The following PSMD8 variants were observed in gnomAD, a reference collection of about 807,000 sequenced individuals.
PSMD8 encodes the protein 26S proteasome non-ATPase regulatory subunit 8.
In PSMD8, 30 loss-of-function variants were observed where a neutral mutation model predicts 40.0. The observed-to-expected ratio is 0.75, with a 90% confidence interval of 0.56 to 1.02. The LOEUF (loss-of-function observed/expected upper bound fraction) is 1.02. PSMD8 is among the 50% of genes least tolerant of loss of function. The pLI is 0.00. For missense variants in PSMD8, 461 were observed against 463.9 expected (o/e 0.99, Z 0.06); for synonymous variants, 208 against 192.5 (o/e 1.08, Z -0.67).
At chr19:38,380,724 G>A (rs2145129046) in intron 4 of PSMD8, among the ~76,000 whole-genome samples, 175 bp from the exon 5 acceptor site, 1 of 132,006 alleles carries the variant, frequency 7.6e-6, no homozygotes, top group African/African-American at 2.7e-5. Context: ...GTGTGTGTGT[G>A]TGTGTGCGCA....
chr19:38,379,481 A>G, intron 4 of PSMD8, 76 bp downstream of exon 4: 7 of 1,487,158 alleles, frequency 4.7e-6, no homozygotes, highest in Non-Finnish European at 5.5e-6. Flanking sequence ...GCTTTCCTGA[A>G]GGAGTGGCCA....
At chr19:38,378,984 C>T (rs1400707371) in intron 3 of PSMD8, among the ~76,000 whole-genome samples, 8 of 152,114 alleles carry the variant, frequency 5.3e-5, no homozygotes, top group African/African-American at 1.9e-4. Flanking sequence ...TATGGTGATA[C>T]CCAGTTTACA....
chr19:38,376,000 T>C (rs1970594482), intron 1 of PSMD8, among the ~76,000 whole-genome samples, 160 bp from the exon 2 acceptor site: 1 of 152,244 alleles, frequency 6.6e-6, no homozygotes, highest in Non-Finnish European at 1.5e-5. Context: ...TGTTGCGTGC[T>C]CAGGCCCTGT....
chr19:38,381,821 T>C (rs1333912432), intron 5 of PSMD8, among the ~76,000 whole-genome samples: 2 of 152,132 alleles, frequency 1.3e-5, no homozygotes, highest in African/African-American at 4.8e-5. Flanking sequence ...AGAGATGCCC[T>C]CATGTGAGTC....
Position 38,374,714 on chromosome 19 carries a change from G to C in PSMD8, c.113G>C (p.Arg38Pro), listed in dbSNP as rs1446468777. 6.5e-7 allele frequency: 1 copy of C among 1,545,888 alleles called. No individual in the cohort carries two copies. Among genetic ancestry groups the C allele is most frequent in the Non-Finnish European group, 8.7e-7 (1 of 1,148,622 alleles). The change falls in exon 1 of 7, where the codon CGG becomes CCG. Residue 38 changes from arginine to proline, a missense_variant. Physicochemically the swap from Arg to Pro is moderately radical, Grantham distance 103 (BLOSUM62 -2). Transcript: ENST00000215071. ...CCCCGGGCCTTGGGCTCCACCTCTC[G>C]GCCCCACTTCCGCCGGGCAAGCGTT... ...APPRALGSTSRPHFRRASVCR... is the reference protein window; with the variant it reads ...APPRALGSTSPPHFRRASVCR...
chr19:38,380,719 T>C (rs1344264845), intron 4 of PSMD8, among the ~76,000 whole-genome samples, 180 bp from the exon 5 acceptor site: 1 of 126,564 alleles, frequency 7.9e-6, no homozygotes, highest in Non-Finnish European at 1.7e-5. Context: ...TGTGTGTGTG[T>C]GTGTGTGTGT....
chr19:38,382,940 G>T, intron 6 of PSMD8: 2 of 295,648 alleles, frequency 6.8e-6, no homozygotes, highest in Non-Finnish European at 6.4e-6. Context: ...AGAAGAAGGT[G>T]AAATTGAATT....
chr19:38,377,430 G>A (rs1438981071), intron 3 of PSMD8, among the ~76,000 whole-genome samples: 1 of 151,984 alleles, frequency 6.6e-6, no homozygotes, highest in African/African-American at 2.4e-5. Flanking sequence ...GGCCACAAGT[G>A]ATCCTCCTGC....
At chr19:38,376,040 A>G (rs1035601691) in intron 1 of PSMD8, 120 bp from the exon 2 acceptor site, 1 of 984,076 alleles carries the variant, frequency 1.0e-6, no homozygotes, top group Non-Finnish European at 1.5e-6. Context: ...AGCATTCCTC[A>G]TGAGTCTGGA....
Position 38,383,343 on chromosome 19 carries a change from G to T in PSMD8, c.1006G>T (p.Ala336Ser). The change falls in exon 7 of 7, where the codon GCC (alanine) becomes TCC (serine). Residue 336 changes from alanine (A) to serine (S), a missense_variant. Physicochemically the swap from Ala to Ser is moderately conservative, Grantham distance 99. Transcript: ENST00000215071. ...CACCACCATTCCCTCCACAGAACTG[G>T]CCAAACAGGTCATCGAGTATGCCCG... is the stretch of plus-strand genomic sequence containing the variant. ...EDTTIPSTEL[A>S]KQVIEYARQL... 6.2e-7 allele frequency: 1 copy of T among 1,613,818 alleles called. No individual in the cohort carries two copies. The highest frequency in any genetic ancestry group is 1.3e-5 in the African/African-American group (1 of 74,958).
chr19:38,380,062 TG>T (rs1568388181), intron 4 of PSMD8, among the ~76,000 whole-genome samples: 1 of 151,852 alleles, frequency 6.6e-6, no homozygotes, highest in African/African-American at 2.4e-5. Flanking sequence ...CCGAGGCGGG[TG>T]GATCACCTGA....
At chr19:38,375,298 A>G in intron 1 of PSMD8, 1 of 289,872 alleles carries the variant, frequency 3.4e-6, no homozygotes, top group Non-Finnish European at 6.6e-6. Context: ...TTTAAGTGAG[A>G]GATGACTGGA....
chr19:38,381,779 G>A (rs1317039609), intron 5 of PSMD8, among the ~76,000 whole-genome samples: 1 of 152,104 alleles, frequency 6.6e-6, no homozygotes, highest in African/African-American at 2.4e-5. Context: ...TATGAAGTGG[G>A]GTGCAGCACC....
Position 38,376,148 on chromosome 19 carries a change from C to T in PSMD8, c.361-12C>T, listed in dbSNP as rs1970595680. 2.5e-6 allele frequency: 4 copies of T among 1,592,628 alleles called. No homozygotes were observed. The highest frequency in any genetic ancestry group is 2.6e-6 in the Non-Finnish European group (3 of 1,163,756). On this transcript the variant is annotated splice_polypyrimidine_tract_variant and intron_variant, in intron 1 of 6. Transcript: ENST00000215071. ...CTTCTTTTCTTTCTTCCCTCCCTCC[C>T]CTCCCCATCAGCTAGTTCTTCTGGA...
intron 6 of PSMD8, 98 bp downstream of exon 6, chr19:38,382,326 A>G (rs1192729338): frequency 1.1e-6 from 1 of 949,674 alleles, no homozygotes; most frequent in East Asian, 2.6e-5. Context: ...AAGACTGCCC[A>G]GGTTTAAGTT....
At chr19:38,375,179 G>A in intron 1 of PSMD8, 1 of 761,412 alleles carries the variant, frequency 1.3e-6, no homozygotes, top group Non-Finnish European at 2.0e-6. Context: ...TGATGGTCAC[G>A]CCTGTAATCG....
Position 38,376,449 on chromosome 19 carries a change from TTA to T in PSMD8, c.532_533del (p.Tyr178GlnfsTer29). The T allele has an allele frequency of 1.3e-6, 2 of 1,549,954 alleles. No homozygotes were observed. Among genetic ancestry groups the T allele is most frequent in the Non-Finnish European group, 1.7e-6 (2 of 1,145,330 alleles). On this transcript the variant is annotated frameshift_variant, in exon 3 of 7. Transcript: ENST00000215071. LOFTEE classifies it high-confidence loss of function. Reference protein sequence around the residue: ...MAQLKCYYFDYKEQLPESAYM... With the variant: ...MAQLKCYYFDXKEQLPESAYM... ...CCCAGCTCAAATGCTACTACTTTGATTACAAGTGAGAATGGGCCCTGCCCCCA... is the reference window on the plus strand; with the variant it reads ...CCCAGCTCAAATGCTACTACTTTGATCAAGTGAGAATGGGCCCTGCCCCCA...
chr19:38,383,402 A>G lies in PSMD8; in HGVS notation c.*12A>G, dbSNP rs762482203. 2.5e-6 allele frequency: 4 copies of G among 1,613,930 alleles called. No individual in the cohort carries two copies. The highest frequency in any genetic ancestry group is 2.2e-5 in the East Asian group (1 of 44,878). On this transcript the variant is annotated 3_prime_UTR_variant, in exon 7 of 7. Coordinates refer to ENST00000215071, the MANE Select transcript of PSMD8 (RefSeq NM_002812.5). Reference sequence around the variant, plus strand: ...AGATGATCGTCTGAGCCCCCCGGGCACTGGGTGGGGCAGGGCACGAGTTAT... The same window carrying G: ...AGATGATCGTCTGAGCCCCCCGGGCGCTGGGTGGGGCAGGGCACGAGTTAT...
intron 3 of PSMD8, among the ~76,000 whole-genome samples, chr19:38,378,390 C>T (rs1254721056): frequency 6.6e-6 from 1 of 151,852 alleles, no homozygotes; most frequent in Non-Finnish European, 1.5e-5. Flanking sequence ...CGCCTGTAGT[C>T]CCAGCTACTC....
Sources: allele counts gnomAD v4.1 joint callset (sites outside exome capture counted in the v4.1 genomes callset), GRCh38; gene constraint gnomAD v4.1.1; transcripts MANE v1.5; gene names NCBI Gene and HGNC (gene_info 2026-07-23, HGNC 2026-07-21).